Variants in CACNA2D4 observed in about 807,000 individuals in gnomAD.
The protein encoded by CACNA2D4 is calcium voltage-gated channel auxiliary subunit alpha2delta 4.
Under a neutral mutation model 163.8 loss-of-function variants are expected in CACNA2D4, and 157 were observed. That is an observed-to-expected ratio of 0.96 (90% confidence interval 0.84 to 1.09). CACNA2D4 has a LOEUF of 1.09. CACNA2D4 is among the 50% of genes least tolerant of loss of function. The pLI, the probability that CACNA2D4 is intolerant of heterozygous loss-of-function variation, is 0.00. For synonymous variants in CACNA2D4, 598 were observed against 586.9 expected (o/e 1.02, Z -0.27); for missense variants, 1,410 against 1,479.9 (o/e 0.95, Z 0.78).
At chr12:1,904,277 A>G (rs1323409733) in intron 6 of CACNA2D4, among the ~76,000 whole-genome samples, 1 of 152,094 alleles carries the variant, frequency 6.6e-6, no homozygotes, top group African/African-American at 2.4e-5. Context: ...CAAAGAATAG[A>G]AAGAATGGAT....
At chr12:1,898,058 A>G (rs1323301025) in intron 6 of CACNA2D4, among the ~76,000 whole-genome samples, 1 of 152,198 alleles carries the variant, frequency 6.6e-6, no homozygotes, top group Non-Finnish European at 1.5e-5. Context: ...TAAAAAGGTA[A>G]ATATAAATAT....
rs548071999 is a variant in CACNA2D4 at position 1,917,760 on chromosome 12, T to C, written c.227+487A>G. ...AAAATCCATTTTTTTCCCCAGTTCC[T>C]GGACAAGCCACCTCCTGTGCGCATG... On this transcript the variant is annotated intron_variant, in intron 1 of 37. Transcript: ENST00000382722. The surrounding 1 kb of genome is among the most constrained non-coding windows in gnomAD (Gnocchi z 4.3). Among the ~76,000 whole-genome samples, 1 of 152,336 alleles carries C rather than the reference T, an allele frequency of 6.6e-6. No homozygotes were observed. Among genetic ancestry groups the C allele is most frequent in the South Asian group, 2.1e-4 (1 of 4,828 alleles).
At chr12:1,818,554 A>C (rs1030152664) in intron 26 of CACNA2D4, among the ~76,000 whole-genome samples, 13 of 151,510 alleles carry the variant, frequency 8.6e-5, no homozygotes, top group Non-Finnish European at 1.6e-4. Flanking sequence ...TGCTTTGTTA[A>C]ACAGATGCTT....
chr12:1,859,182 C>A (rs1410904231), intron 19 of CACNA2D4, among the ~76,000 whole-genome samples: 1 of 152,038 alleles, frequency 6.6e-6, no homozygotes, highest in African/African-American at 2.4e-5. Context: ...GACCCCAGCT[C>A]TAAAATTTTT....
At chr12:1,864,653 G>T (rs1440883501) in intron 18 of CACNA2D4, among the ~76,000 whole-genome samples, 2 of 152,164 alleles carry the variant, frequency 1.3e-5, no homozygotes, top group Non-Finnish European at 2.9e-5. Flanking sequence ...CGCCGCCGAC[G>T]GCGATGGGGA....
intron 6 of CACNA2D4, 52 bp from the exon 7 acceptor site, chr12:1,887,121 T>TC: frequency 1.5e-6 from 2 of 1,317,452 alleles, no homozygotes; most frequent in South Asian, 2.5e-5. Flanking sequence ...CCACCCCAGA[T>TC]CCCCTGGCTG....
At chr12:1,831,835 C>G (rs150140718) in intron 26 of CACNA2D4, among the ~76,000 whole-genome samples, 321 of 143,406 alleles carry the variant, frequency 2.2e-3, no homozygotes, top group Non-Finnish European at 2.6e-3. Context: ...ATCTCCCTTT[C>G]TTAGGTTACA....
At chr12:1,796,671 C>T (rs12830504) in intron 35 of CACNA2D4, among the ~76,000 whole-genome samples, 8,694 of 152,274 alleles carry the variant, frequency 0.057, 306 homozygotes, top group Middle Eastern at 0.12. Context: ...AGAAGGGAGC[C>T]CCGATGCCAG....
At chr12:1,813,255 T>A (rs1378581282) in intron 26 of CACNA2D4, among the ~76,000 whole-genome samples, 1 of 152,142 alleles carries the variant, frequency 6.6e-6, no homozygotes, top group Non-Finnish European at 1.5e-5. Context: ...CCTGGAAGGT[T>A]TGTTAGAACC....
chr12:1,881,946 G>A (rs553627696), intron 13 of CACNA2D4, among the ~76,000 whole-genome samples: 4 of 152,328 alleles, frequency 2.6e-5, no homozygotes, highest in African/African-American at 4.8e-5. Context: ...CCATTGCCTC[G>A]TTGCATTCCC....
At chr12:1,879,622 C>G (rs1479595493) in intron 14 of CACNA2D4, among the ~76,000 whole-genome samples, 182 bp downstream of exon 14, 4 of 152,192 alleles carry the variant, frequency 2.6e-5, no homozygotes, top group Non-Finnish European at 5.9e-5. Flanking sequence ...GCACAGACCA[C>G]CAGCCCACCT....
At chr12:1,795,616 C>G in intron 36 of CACNA2D4, 52 bp downstream of exon 36, 1 of 1,286,382 alleles carries the variant, frequency 7.8e-7, no homozygotes, top group Non-Finnish European at 1.1e-6. Flanking sequence ...CCTACAGACA[C>G]CTCCTACAGC....
At chr12:1,814,231 C>T (rs181192848) in intron 26 of CACNA2D4, among the ~76,000 whole-genome samples, 5 of 152,136 alleles carry the variant, frequency 3.3e-5, no homozygotes, top group Admixed American at 2.6e-4. Flanking sequence ...AGGAATTCTA[C>T]GATTCTAACA....
At chr12:1,880,176 C>T (rs1315283461) in intron 13 of CACNA2D4, among the ~76,000 whole-genome samples, 2 of 152,268 alleles carry the variant, frequency 1.3e-5, no homozygotes, top group Non-Finnish European at 2.9e-5. Context: ...CTCGTCTCAG[C>T]GAGGCCCAGG....
In CACNA2D4 at chr12:1,828,318, G is replaced by A. The variant is rs1310632066; in HGVS notation, c.2551+12421C>T. 9.5e-7 allele frequency: 1 copy of A among 1,048,264 alleles called. No homozygotes were observed. Among genetic ancestry groups the A allele is most frequent in the Non-Finnish European group, 1.3e-6 (1 of 744,810 alleles). The allele number at this position is 1,048,264 out of a possible 1,614,324, so 64.9% of individuals were successfully genotyped here. Reference sequence around the variant, plus strand: ...GACCTTAGCCACACTCAGGCTGCAGGGAGGCCTACGCCAGATCTTCCTGGG... The same window carrying A: ...GACCTTAGCCACACTCAGGCTGCAGAGAGGCCTACGCCAGATCTTCCTGGG... On this transcript the variant is annotated intron_variant, in intron 26 of 37. Coordinates refer to ENST00000382722, the MANE Select transcript of CACNA2D4 (RefSeq NM_172364.5). The surrounding 1 kb of genome is among the most constrained non-coding windows in gnomAD (Gnocchi z 4.2).
chr12:1,890,880 G>A (rs1866265410), intron 6 of CACNA2D4, among the ~76,000 whole-genome samples: 1 of 152,106 alleles, frequency 6.6e-6, no homozygotes, highest in Admixed American at 6.6e-5. Flanking sequence ...CAACTTCCTG[G>A]TACCACCATA....
In CACNA2D4 at chr12:1,822,889, G is replaced by A. The variant is rs1046027787; in HGVS notation, c.2552-11166C>T. On this transcript the variant is annotated intron_variant, in intron 26 of 37. Coordinates refer to ENST00000382722, the MANE Select transcript of CACNA2D4 (RefSeq NM_172364.5). ...GAATCTCGGGCCGTCTTTGGCCCGG[G>A]GCTCTGGCTGGCCACTCTCCGGGCT... 3.3e-5 allele frequency among the ~76,000 whole-genome samples: 5 copies of A among 152,308 alleles called. No individual in the cohort carries two copies. The South Asian group carries it at 6.2e-4, about 19-fold the overall frequency.
intron 18 of CACNA2D4, among the ~76,000 whole-genome samples, chr12:1,862,099 G>A (rs4765646): frequency 0.89 from 135,060 of 152,304 alleles, 59,976 homozygotes; most frequent in Admixed American, 0.91. Flanking sequence ...GTGTGGACAC[G>A]GCCCAGTATG....
chr12:1,878,333 A>T lies in CACNA2D4; in HGVS notation c.1701T>A (p.His567Gln), dbSNP rs1865923049. The part of the protein sequence containing the change: ...LNTNNGYILS[H>Q]PDLRPLYREG... ...TACCTACCAGGGGCCGGAGGTCGGGATGGGAGAGGATGTAGCCATTGTTGG... is the reference window on the plus strand; with the variant it reads ...TACCTACCAGGGGCCGGAGGTCGGGTTGGGAGAGGATGTAGCCATTGTTGG... Residue 567 changes from histidine to glutamine, a missense_variant, in exon 16 of 38, where the codon CAT becomes CAA. His to Gln is a conservative substitution (Grantham distance 24). Coordinates refer to ENST00000382722, the MANE Select transcript of CACNA2D4 (RefSeq NM_172364.5). The surrounding 1 kb of genome is among the most constrained non-coding windows in gnomAD (Gnocchi z 4.6). 1 of 1,609,502 alleles carries T rather than the reference A, an allele frequency of 6.2e-7. No individual in the cohort carries two copies. The highest frequency in any genetic ancestry group is 8.5e-7 in the Non-Finnish European group (1 of 1,178,240).
Sources: gnomAD v4.1 joint callset for allele counts (sites outside exome capture counted in the v4.1 genomes callset) on GRCh38, gnomAD v4.1.1 for gene constraint, Gnocchi (gnomAD v3.1) non-coding constraint, MANE v1.5 for transcripts, NCBI Gene and HGNC (gene_info 2026-07-23, HGNC 2026-07-21) for gene names.